Variants in DPYSL2 observed in about 807,000 individuals in gnomAD.
The protein encoded by DPYSL2 is dihydropyrimidinase like 2.
Under a neutral mutation model 69.9 loss-of-function variants are expected in DPYSL2, and 13 were observed. The ratio of observed to expected loss-of-function variants is 0.19; its 90% confidence interval spans 0.12 to 0.30. The LOEUF (loss-of-function observed/expected upper bound fraction) is 0.30, where lower values mean the gene tolerates loss of function less well. Ranked by LOEUF, DPYSL2 falls within the 10% of genes least tolerant of loss-of-function variation. The pLI is 1.00. For missense variants in DPYSL2, 587 were observed against 918.9 expected, an observed-to-expected ratio of 0.64 and a Z score of 4.67; for synonymous variants, 326 against 359.1, an observed-to-expected ratio of 0.91 and a Z score of 1.04.
At chr8:26,576,861 G>A (rs1801356373) in intron 1 of DPYSL2, among the ~76,000 whole-genome samples, 1 of 152,228 alleles carries the variant, frequency 6.6e-6, no homozygotes, top group African/African-American at 2.4e-5. Context: ...GGACCCCGGG[G>A]CGCTGGGATC....
rs1380160458 is a variant in DPYSL2, at chr8:26,644,115, T to C, written c.1425+24T>C. 2 of 1,611,390 alleles carry C rather than the reference T, an allele frequency of 1.2e-6. No homozygotes were observed. The highest frequency in any genetic ancestry group is 2.2e-5 in the East Asian group (1 of 44,844). On this transcript the variant is annotated intron_variant, in intron 10 of 13. Coordinates refer to ENST00000521913, the MANE Select transcript of DPYSL2 (RefSeq NM_001197293.3). This position sits in a 1 kb window ranked among gnomAD's most constrained non-coding sequence, Gnocchi z 4.5. ...TGGTAAGGAGCGATGGCCTCACTCCTTGGTGGCTCTCAGCCTTCCTTGTCC... is the reference window on the plus strand; with the variant it reads ...TGGTAAGGAGCGATGGCCTCACTCCCTGGTGGCTCTCAGCCTTCCTTGTCC...
chr8:26,559,109 A>T (rs2129656140), intron 1 of DPYSL2, among the ~76,000 whole-genome samples: 1 of 152,088 alleles, frequency 6.6e-6, no homozygotes, highest in South Asian at 2.1e-4. Flanking sequence ...CGCCTGGCTA[A>T]TTTTTTGTAT....
rs1285552011 is a variant in DPYSL2, at chr8:26,587,229, A to C, written c.628+3246A>C. The stretch of plus-strand genomic sequence containing the variant: ...CACCTAAGACCTGCTACTTTCTTTG[A>C]CTTAATATATTGAGTCCAGAAAGAA... On this transcript the variant is annotated intron_variant, in intron 3 of 13. Transcript: ENST00000521913. This position sits in a 1 kb window ranked among gnomAD's most constrained non-coding sequence, Gnocchi z 4.2. Among the ~76,000 whole-genome samples, 1 of 152,184 alleles carries C rather than the reference A, an allele frequency of 6.6e-6. No homozygotes were observed. The highest frequency in any genetic ancestry group is 2.4e-5 in the African/African-American group (1 of 41,442).
intron 1 of DPYSL2, among the ~76,000 whole-genome samples, chr8:26,538,161 G>A (rs1289712457): frequency 2.0e-5 from 3 of 152,158 alleles, no homozygotes; most frequent in African/African-American, 4.8e-5. Flanking sequence ...CTGTCAGATC[G>A]ATTCACTGTA....
At chr8:26,531,109 A>G (rs908882385) in intron 1 of DPYSL2, among the ~76,000 whole-genome samples, 1 of 151,882 alleles carries the variant, frequency 6.6e-6, no homozygotes, top group East Asian at 1.9e-4. Flanking sequence ...GCTATGACCT[A>G]AGCACCTCTC....
chr8:26,627,397 G>A lies in DPYSL2; in HGVS notation c.936+102G>A. The A allele has an allele frequency of 8.0e-7, 1 of 1,248,502 alleles. No individual in the cohort carries two copies. The highest frequency in any genetic ancestry group is 1.2e-6 in the Non-Finnish European group (1 of 861,952). 77.3% of individuals were successfully genotyped at this position (1,248,502 alleles called of 1,614,324 possible). On this transcript the variant is annotated intron_variant, in intron 6 of 13. Coordinates refer to ENST00000521913, the MANE Select transcript of DPYSL2 (RefSeq NM_001197293.3). This position sits in a 1 kb window ranked among gnomAD's most constrained non-coding sequence, Gnocchi z 6.9. ...TGTAGCTTAACACCAAGGTGGAAAAGCAGAGGGACCTGGTGTTCCCTTGCT... is the reference window on the plus strand; with the variant it reads ...TGTAGCTTAACACCAAGGTGGAAAAACAGAGGGACCTGGTGTTCCCTTGCT...
intron 3 of DPYSL2, chr8:26,623,812 C>G (rs1802555299): frequency 8.6e-6 from 2 of 233,300 alleles, no homozygotes; most frequent in Non-Finnish European, 1.7e-5. Context: ...TTGGCTGCTC[C>G]CCGGCCATTT....
At chr8:26,602,281 AT>A (rs200348393) in intron 3 of DPYSL2, among the ~76,000 whole-genome samples, 3 of 150,258 alleles carry the variant, frequency 2.0e-5, no homozygotes, top group Non-Finnish European at 3.0e-5. Context: ...AGGAAAACTT[AT>A]TTTTTTTTAA....
intron 3 of DPYSL2, among the ~76,000 whole-genome samples, chr8:26,616,879 C>T (rs993554078): frequency 2.6e-5 from 4 of 152,156 alleles, no homozygotes; most frequent in Non-Finnish European, 5.9e-5. Context: ...CTCCTCCCTT[C>T]TATTCCACGT....
intron 3 of DPYSL2, among the ~76,000 whole-genome samples, chr8:26,611,300 T>A (rs1017624985): frequency 6.6e-6 from 1 of 152,220 alleles, no homozygotes; most frequent in African/African-American, 2.4e-5. Context: ...ACTGGCTCTC[T>A]AGCATTTCTT....
At chr8:26,530,980 G>A (rs1800501887) in intron 1 of DPYSL2, among the ~76,000 whole-genome samples, 3 of 151,508 alleles carry the variant, frequency 2.0e-5, no homozygotes, top group Admixed American at 6.6e-5. Flanking sequence ...GACGGTTTGA[G>A]CCGAGGAGTT....
chr8:26,534,765 T>C lies in DPYSL2; in HGVS notation c.354+20086T>C, dbSNP rs554268918. 3.9e-5 allele frequency among the ~76,000 whole-genome samples: 6 copies of C among 152,212 alleles called. No individual in the cohort carries two copies. In the South Asian group the frequency reaches 1.2e-3, roughly 32 times the overall value. On this transcript the variant is annotated intron_variant, in intron 1 of 13. Coordinates refer to ENST00000521913, the MANE Select transcript of DPYSL2 (RefSeq NM_001197293.3). Reference sequence around the variant, plus strand: ...CTCCTGCCTTAACCTCCTAAGTAGCTAGGACTACAGGCATCGGCCACCATG... The same window carrying C: ...CTCCTGCCTTAACCTCCTAAGTAGCCAGGACTACAGGCATCGGCCACCATG...
chr8:26,602,169 G>T (rs1436466520), intron 3 of DPYSL2, among the ~76,000 whole-genome samples: 1 of 149,116 alleles, frequency 6.7e-6, no homozygotes, highest in Non-Finnish European at 1.5e-5. Flanking sequence ...TATGTTGAGG[G>T]AGTGCTGCGA....
At position 26,562,207 on chromosome 8, in the gene DPYSL2, G is replaced by A. The variant is rs918227555; in HGVS notation, c.355-19762G>A. 6.6e-6 allele frequency among the ~76,000 whole-genome samples: 1 copy of A among 152,320 alleles called. No homozygotes were observed. The highest frequency in any genetic ancestry group is 1.9e-4 in the East Asian group (1 of 5,182). On this transcript the variant is annotated intron_variant, in intron 1 of 13. Transcript: ENST00000521913. This position sits in a 1 kb window ranked among gnomAD's most constrained non-coding sequence, Gnocchi z 4.9. ...TGATTCCTGGCTCTGCCACGTGTGA[G>A]TTTTGGGTCCTGGGGAAAGTTCCTT...
chr8:26,572,499 G>C (rs1801254036), intron 1 of DPYSL2, among the ~76,000 whole-genome samples: 1 of 152,086 alleles, frequency 6.6e-6, no homozygotes, highest in Non-Finnish European at 1.5e-5. Flanking sequence ...GAATGAGTAA[G>C]ACTTTTTTGT....
At chr8:26,558,468 G>A (rs1801024060) in intron 1 of DPYSL2, among the ~76,000 whole-genome samples, 1 of 152,164 alleles carries the variant, frequency 6.6e-6, no homozygotes, top group Non-Finnish European at 1.5e-5. Context: ...GAGCACAGGG[G>A]ATTTTTAGGA....
chr8:26,555,865 A>G (rs1426990841), intron 1 of DPYSL2, among the ~76,000 whole-genome samples: 1 of 146,806 alleles, frequency 6.8e-6, no homozygotes, highest in Non-Finnish European at 1.5e-5. Flanking sequence ...ACAGTGAAAA[A>G]AAAATTATAT....
rs1808232708 is a variant in DPYSL2, at chr8:26,514,279, GCAGA to G, written c.-45_-42del. 1 of 1,405,950 alleles carries G rather than the reference GCAGA, an allele frequency of 7.1e-7. No individual in the cohort carries two copies. Among genetic ancestry groups the G allele is most frequent in the Admixed American group, 3.0e-5 (1 of 33,890 alleles). 87.1% of individuals were successfully genotyped at this position (1,405,950 alleles called of 1,614,324 possible). A position where few individuals can be genotyped will look rare whatever the true frequency, so the allele number is the denominator to read the frequency against. The stretch of plus-strand genomic sequence containing the variant: ...CACAGCGAGGGAGACTTAGGGACTG[GCAGA>G]CGGACGGACGGACGGCGAGGACCCT... On this transcript the variant is annotated 5_prime_UTR_variant, in exon 1 of 14. Transcript: ENST00000521913. The surrounding 1 kb of genome is among the most constrained non-coding windows in gnomAD (Gnocchi z 8.4).
At position 26,585,128 on chromosome 8, in the gene DPYSL2, A is replaced by G. The variant is rs1194943980; in HGVS notation, c.628+1145A>G. Among the ~76,000 whole-genome samples the G allele has an allele frequency of 6.6e-6, 1 of 152,204 alleles. No individual in the cohort carries two copies. Among genetic ancestry groups the G allele is most frequent in the Admixed American group, 6.5e-5 (1 of 15,288 alleles). On this transcript the variant is annotated intron_variant, in intron 3 of 13. Coordinates refer to ENST00000521913, the MANE Select transcript of DPYSL2 (RefSeq NM_001197293.3). The surrounding 1 kb of genome is among the most constrained non-coding windows in gnomAD (Gnocchi z 4.0). ...TTTTAAAAAACAGATTGCATCCAAG[A>G]GTGACAGTCAACGTGGAGTCTGTCA...
Sources: allele counts gnomAD v4.1 joint callset (sites outside exome capture counted in the v4.1 genomes callset), GRCh38; gene constraint gnomAD v4.1.1; non-coding constraint Gnocchi (gnomAD v3.1); transcripts MANE v1.5; gene names NCBI Gene and HGNC (gene_info 2026-07-23, HGNC 2026-07-21).